The following PRUNE2 variants were observed in gnomAD, a reference collection of about 807,000 sequenced individuals.
PRUNE2 encodes the protein prune homolog 2 with BCH domain.
Under a neutral mutation model 252.0 loss-of-function variants are expected in PRUNE2, and 164 were observed. That is an observed-to-expected ratio of 0.65 (90% CI 0.57 to 0.74). The LOEUF is 0.74. Ranked by LOEUF, PRUNE2 falls within the 30% of genes least tolerant of loss-of-function variation. The pLI is 0.00. For missense variants in PRUNE2, 3,495 were observed against 3,711.0 expected (o/e 0.94, Z 1.51); for synonymous variants, 1,292 against 1,350.2 (o/e 0.96, Z 0.94).
At position 76,710,248 on chromosome 9, in the gene PRUNE2, G is replaced by C. The variant is rs2046619809; in HGVS notation, c.2026C>G (p.Gln676Glu). ...TCAGGGCTCTGGAAAACAGATTCCT[G>C]TTCACTGGAACTCCACGCATCTGCA... ...NIADAWSSSE[Q>E]ESVFQSPESW... The change falls in exon 8 of 19, where the codon CAG becomes GAG. Residue 676 changes from glutamine to glutamate, a missense_variant. Coordinates refer to ENST00000376718, the MANE Select transcript of PRUNE2 (RefSeq NM_015225.3). 6.2e-7 allele frequency: 1 copy of C among 1,613,930 alleles called. No individual in the cohort carries two copies.
chr9:76,886,523 A>G (rs1234407067), intron 1 of PRUNE2, among the ~76,000 whole-genome samples: 10 of 152,226 alleles, frequency 6.6e-5, no homozygotes, highest in Non-Finnish European at 8.8e-5. Flanking sequence ...CTTGAAGCCA[A>G]GCCACTGACT....
At chr9:76,779,231 A>G (rs1277810773) in intron 6 of PRUNE2, among the ~76,000 whole-genome samples, 1 of 132,550 alleles carries the variant, frequency 7.5e-6, no homozygotes, top group Admixed American at 7.1e-5. Context: ...AAAAACTTAG[A>G]CTTTTTTTTT....
rs1048528378 is a variant in PRUNE2, at chr9:76,714,900, T to C, written c.757-1179A>G. Among the ~76,000 whole-genome samples, 5 of 152,230 alleles carry C rather than the reference T, an allele frequency of 3.3e-5. No homozygotes were observed. In the South Asian group the frequency reaches 6.2e-4, roughly 19 times the overall value. ...CTCCATCATCCATAATCTTCTATCA[T>C]AGTCCACATATATATCTATCCTAGC... On this transcript the variant is annotated intron_variant, in intron 6 of 18. Transcript: ENST00000376718.
intron 6 of PRUNE2, among the ~76,000 whole-genome samples, chr9:76,747,771 G>A (rs907279363): frequency 5.3e-5 from 8 of 151,480 alleles, no homozygotes; most frequent in Admixed American, 3.3e-4. Flanking sequence ...TCCTTAACAC[G>A]CTCACTCCTC....
chr9:76,751,273 G>C (rs62565565), intron 6 of PRUNE2, among the ~76,000 whole-genome samples: 310 of 56,752 alleles, frequency 5.5e-3, no homozygotes, highest in African/African-American at 0.011. Context: ...CACACACACA[G>C]ACACACACAC....
chr9:76,765,102 A>T (rs975545517), intron 6 of PRUNE2, among the ~76,000 whole-genome samples: 4 of 152,176 alleles, frequency 2.6e-5, no homozygotes, highest in Non-Finnish European at 4.4e-5. Context: ...TAGCAGATGT[A>T]CATTTGTTGG....
chr9:76,704,716 C>A, intron 8 of PRUNE2, 45 bp downstream of exon 8: 1 of 1,326,008 alleles, frequency 7.5e-7, no homozygotes, highest in South Asian at 1.5e-5. Context: ...CTAGTTTAAT[C>A]AACGCAGCAG....
rs1366260027 is a variant in PRUNE2 at position 76,707,778 on chromosome 9, T to A, written c.4496A>T (p.Asp1499Val). The A allele has an allele frequency of 6.2e-7, 1 of 1,613,494 alleles. No homozygotes were observed. The highest frequency in any genetic ancestry group is 8.5e-7 in the Non-Finnish European group (1 of 1,179,650). ...AGAACATGTGCTGCTGACATGCACATCACTGTCTATAGGGACGTCCCCAAA... is the reference window on the plus strand; with the variant it reads ...AGAACATGTGCTGCTGACATGCACAACACTGTCTATAGGGACGTCCCCAAA... ...LDFGDVPIDSDVHVSSTCSEI... is the reference protein window; with the variant it reads ...LDFGDVPIDSVVHVSSTCSEI... The change falls in exon 8 of 19, where the codon GAT (aspartate) becomes GTT (valine). Residue 1499 changes from aspartate to valine, a missense_variant. Physicochemically the swap from Asp to Val is radical, Grantham distance 152. Transcript: ENST00000376718.
At chr9:76,863,613 T>G (rs2060673079) in intron 1 of PRUNE2, among the ~76,000 whole-genome samples, 1 of 152,224 alleles carries the variant, frequency 6.6e-6, no homozygotes, top group Non-Finnish European at 1.5e-5. Context: ...CATGCATTAT[T>G]TAATATGACA....
chr9:76,676,703 AGTTAAT>A (rs1177370055), intron 9 of PRUNE2, among the ~76,000 whole-genome samples: 1 of 152,228 alleles, frequency 6.6e-6, no homozygotes, highest in Non-Finnish European at 1.5e-5. Flanking sequence ...GGCAAATTCA[AGTTAAT>A]GTTAGAAAAA....
chr9:76,744,748 G>A (rs185118827), intron 6 of PRUNE2, among the ~76,000 whole-genome samples: 73 of 152,188 alleles, frequency 4.8e-4, no homozygotes, highest in African/African-American at 1.6e-3. Context: ...AAGAAGCCCC[G>A]GCCCTTAAGT....
intron 6 of PRUNE2, among the ~76,000 whole-genome samples, chr9:76,772,549 T>C (rs776212182): frequency 6.6e-6 from 1 of 152,168 alleles, no homozygotes; most frequent in Non-Finnish European, 1.5e-5. Flanking sequence ...CTGCAACTTG[T>C]GAACATGGTA....
At chr9:76,638,554 T>A (rs111961749) in intron 12 of PRUNE2, among the ~76,000 whole-genome samples, 3 of 152,354 alleles carry the variant, frequency 2.0e-5, no homozygotes, top group African/African-American at 7.2e-5. Flanking sequence ...TACGGATGAT[T>A]ATATTGTTGT....
At chr9:76,806,123 T>A (rs1372604179) in intron 6 of PRUNE2, among the ~76,000 whole-genome samples, 2 of 152,140 alleles carry the variant, frequency 1.3e-5, no homozygotes, top group Non-Finnish European at 2.9e-5. Flanking sequence ...ACCAGCGGCA[T>A]CAGCATCACC....
At chr9:76,683,913 A>C (rs547112155) in intron 9 of PRUNE2, among the ~76,000 whole-genome samples, 1 of 150,998 alleles carries the variant, frequency 6.6e-6, no homozygotes, top group Non-Finnish European at 1.5e-5. Flanking sequence ...TTGTGTATAC[A>C]TAAAATATAT....
chr9:76,700,859 A>G (rs1022781102), intron 9 of PRUNE2, among the ~76,000 whole-genome samples: 5 of 152,154 alleles, frequency 3.3e-5, no homozygotes, highest in Admixed American at 6.5e-5. Flanking sequence ...GGGTTGCCCT[A>G]TGTAAAGTGA....
At chr9:76,669,324 T>G (rs556683377) in intron 9 of PRUNE2, among the ~76,000 whole-genome samples, 125 of 25,962 alleles carry the variant, frequency 4.8e-3, no homozygotes, top group African/African-American at 5.7e-3. Flanking sequence ...CTTTTCCTTT[T>G]TCTTTTTTTT....
At chr9:76,850,267 G>A (rs550827615) in intron 3 of PRUNE2, among the ~76,000 whole-genome samples, 196 bp downstream of exon 3, 3 of 152,172 alleles carry the variant, frequency 2.0e-5, no homozygotes, top group Non-Finnish European at 4.4e-5. Context: ...GGCTGGTCTC[G>A]AACTCCTGGC....
chr9:76,795,005 G>A (rs924970211), intron 6 of PRUNE2, among the ~76,000 whole-genome samples: 1 of 152,108 alleles, frequency 6.6e-6, no homozygotes, highest in South Asian at 2.1e-4. Context: ...CACGAAGGAA[G>A]GCAAGAGAAG....
Sources: allele counts gnomAD v4.1 joint callset (sites outside exome capture counted in the v4.1 genomes callset), GRCh38; gene constraint gnomAD v4.1.1; transcripts MANE v1.5; gene names NCBI Gene and HGNC (gene_info 2026-07-23, HGNC 2026-07-21).